PPM1F: variants seen among roughly 807,000 people sequenced by gnomAD.
PPM1F encodes the protein protein phosphatase 1F.
A neutral mutation model predicts 35.5 loss-of-function variants in PPM1F; 17 were observed. The observed-to-expected ratio is 0.48, with a 90% CI of 0.33 to 0.72. PPM1F has a LOEUF of 0.72. PPM1F is among the 30% of genes least tolerant of loss of function. The probability of loss-of-function intolerance (pLI) is 0.02; values close to 1 mark genes in which losing one functional copy is unlikely to be tolerated. For missense variants in PPM1F, 521 were observed against 613.0 expected (o/e 0.85, Z 1.59); for synonymous variants, 241 against 255.5 (o/e 0.94, Z 0.54).
In PPM1F at chr22:21,920,577, GCT is replaced by G. The variant is rs1339999871; in HGVS notation, c.*2513_*2514del. On this transcript the variant is annotated 3_prime_UTR_variant, in exon 8 of 8. Transcript: ENST00000263212. ...TCGGCCCCAAGGCAAGGGCGGAGCA[GCT>G]CCCAGTGCTGGCACCAGACCTCTGC... 2 of 152,436 alleles carry G rather than the reference GCT, an allele frequency of 1.3e-5. No individual in the cohort carries two copies. The highest frequency in any genetic ancestry group is 1.5e-5 in the Non-Finnish European group (1 of 68,196). The allele number at this position is 152,436 out of a possible 1,614,324, so 9.4% of individuals were successfully genotyped here. A position where few individuals can be genotyped will look rare whatever the true frequency, so the allele number is the denominator to read the frequency against.
chr22:21,920,171 A>C lies in PPM1F; in HGVS notation c.*2921T>G, dbSNP rs989085731. The C allele has an allele frequency of 1.3e-5, 2 of 152,294 alleles. No homozygotes were observed. Among genetic ancestry groups the C allele is most frequent in the Non-Finnish European group, 2.9e-5 (2 of 68,126 alleles). The allele number at this position is 152,294 out of a possible 1,614,324, so 9.4% of individuals were successfully genotyped here. A position where few individuals can be genotyped will look rare whatever the true frequency, so the allele number is the denominator to read the frequency against. On this transcript the variant is annotated 3_prime_UTR_variant, in exon 8 of 8. Transcript: ENST00000263212. Reference sequence around the variant, plus strand: ...GACACTAATAAGACTTAACCACCCCAACCTGCTGGCAGCAGGAGGGCCCCT... The same window carrying C: ...GACACTAATAAGACTTAACCACCCCCACCTGCTGGCAGCAGGAGGGCCCCT...
rs141625687 is a variant in PPM1F at position 21,925,591 on chromosome 22, G to A, written c.963C>T (p.Thr321=). ...CACCGATGGCTCTGGAGACGGCCAG[G>A]GTCCCGTTGACTCTCCAGCAGTCCA... ...SHMDCWRVNG[T]LAVSRAIGDV... is the part of the protein sequence containing the mutation. Residue 321 remains threonine, a synonymous_variant, in exon 7 of 8, where the codon ACC becomes ACT. Coordinates refer to ENST00000263212, the MANE Select transcript of PPM1F (RefSeq NM_014634.4). 1 of 1,613,716 alleles carries A rather than the reference G, an allele frequency of 6.2e-7. No homozygotes were observed. The highest frequency in any genetic ancestry group is 1.1e-5 in the South Asian group (1 of 91,052).
intron 2 of PPM1F, among the ~76,000 whole-genome samples, chr22:21,940,898 TTTTA>T (rs1023856826): frequency 6.6e-5 from 10 of 152,094 alleles, no homozygotes; most frequent in African/African-American, 1.9e-4. Context: ...TTGGTCTGTG[TTTTA>T]TTTATTTATT....
intron 6 of PPM1F, among the ~76,000 whole-genome samples, chr22:21,929,109 G>C (rs2070556979): frequency 6.6e-6 from 1 of 152,206 alleles, no homozygotes; most frequent in South Asian, 2.1e-4. Flanking sequence ...TCGCCAAGTT[G>C]AGGCCAGTTT....
chr22:21,933,389 A>G lies in PPM1F; in HGVS notation c.747+2T>C. On this transcript the variant is annotated splice_donor_variant, in intron 5 of 7. Transcript: ENST00000263212. LOFTEE classifies it high-confidence loss of function. ...ACCTGAGGCCCAGCGGCCAGTCCTC[A>G]CCTCTCGCTTGGCTTTCCTGAGAAA... The G allele has an allele frequency of 6.2e-7, 1 of 1,604,048 alleles. No homozygotes were observed. Among genetic ancestry groups the G allele is most frequent in the Non-Finnish European group, 8.5e-7 (1 of 1,175,552 alleles).
intron 2 of PPM1F, 115 bp downstream of exon 2, chr22:21,945,728 G>C (rs919695220): frequency 2.8e-6 from 3 of 1,090,096 alleles, no homozygotes; most frequent in Admixed American, 4.7e-5. Context: ...ATAGGGATCC[G>C]GGGCTGCAGA....
At chr22:21,923,847 GT>G (rs56102816) in intron 7 of PPM1F, among the ~76,000 whole-genome samples, 15,050 of 136,256 alleles carry the variant, frequency 0.11, 776 homozygotes, top group Middle Eastern at 0.13. Flanking sequence ...CCAGCTAATT[GT>G]TTTTTTTTTT....
intron 6 of PPM1F, 37 bp from the exon 7 acceptor site, chr22:21,925,699 G>A: frequency 6.6e-7 from 1 of 1,521,764 alleles, no homozygotes; most frequent in Non-Finnish European, 8.9e-7. Flanking sequence ...GCAGGGCCGG[G>A]GGGATGGGGC....
rs1167338911 is a variant in PPM1F at position 21,922,128 on chromosome 22, T to C, written c.*964A>G. ...CTATCCGAGCCCACTGCAGTCCTAG[T>C]TTCTTCAAAGCTGTGTAAGGCACTT... On this transcript the variant is annotated 3_prime_UTR_variant, in exon 8 of 8. Coordinates refer to ENST00000263212, the MANE Select transcript of PPM1F (RefSeq NM_014634.4). The C allele has an allele frequency of 6.6e-6, 1 of 152,654 alleles. No homozygotes were observed. The highest frequency in any genetic ancestry group is 1.5e-5 in the Non-Finnish European group (1 of 68,044). The allele number at this position is 152,654 out of a possible 1,614,324, so 9.5% of individuals were successfully genotyped here. A position where few individuals can be genotyped will look rare whatever the true frequency, so the allele number is the denominator to read the frequency against.
At chr22:21,952,745 TC>T in intron 1 of PPM1F, 46 bp downstream of exon 1, 1 of 152,350 alleles carries the variant, frequency 6.6e-6, no homozygotes, top group Non-Finnish European at 1.5e-5. Flanking sequence ...CTGACCCTCG[TC>T]CCAGCCCCGT....
intron 6 of PPM1F, among the ~76,000 whole-genome samples, chr22:21,927,942 GTTTTTTTTTTTTTT>G (rs60216371): frequency 1.3e-4 from 10 of 75,146 alleles, no homozygotes; most frequent in South Asian, 1.3e-3. Context: ...TTTTTGTTTT[GTTTTTTTTTTTTTT>G]TTTTTTTTTT....
In PPM1F at chr22:21,922,330, G is replaced by A. The variant is rs2070456302; in HGVS notation, c.*762C>T. 6.6e-6 allele frequency: 1 copy of A among 152,564 alleles called. No individual in the cohort carries two copies. 9.5% of individuals were successfully genotyped at this position (152,564 alleles called of 1,614,324 possible). Reference sequence around the variant, plus strand: ...CTGCTTAAATTATATGACACAACAGGTCATCTTGGCACTGATAAAACAAAG... The same window carrying A: ...CTGCTTAAATTATATGACACAACAGATCATCTTGGCACTGATAAAACAAAG... On this transcript the variant is annotated 3_prime_UTR_variant, in exon 8 of 8. Transcript: ENST00000263212.
At chr22:21,927,107 G>A (rs942305771) in intron 6 of PPM1F, among the ~76,000 whole-genome samples, 7 of 152,202 alleles carry the variant, frequency 4.6e-5, no homozygotes, top group Admixed American at 3.9e-4. Flanking sequence ...CATGAAGGGG[G>A]CAGGAACAGG....
intron 5 of PPM1F, chr22:21,932,591 G>A (rs1381327413): frequency 6.6e-6 from 1 of 152,134 alleles, no homozygotes; most frequent in African/African-American, 2.4e-5. Context: ...CACCTCACAG[G>A]GCTACAAGGA....
chr22:21,923,685 TTTC>T (rs1569125096), intron 7 of PPM1F, among the ~76,000 whole-genome samples: 2 of 151,970 alleles, frequency 1.3e-5, no homozygotes, highest in Non-Finnish European at 1.5e-5. Flanking sequence ...TCCCCCTTTT[TTTC>T]TTTTTTCTTT....
intron 1 of PPM1F, chr22:21,950,479 G>GT (rs1229274573): frequency 2.0e-5 from 3 of 151,696 alleles, no homozygotes; most frequent in Non-Finnish European, 2.9e-5. Context: ...AACAACTGCA[G>GT]TTTTTTAGGG....
intron 5 of PPM1F, among the ~76,000 whole-genome samples, chr22:21,932,318 A>G (rs2070601812): frequency 6.6e-6 from 1 of 152,210 alleles, no homozygotes; most frequent in South Asian, 2.1e-4. Context: ...TTGAGCTCAG[A>G]GGCCTTTGTC....
chr22:21,940,513 A>T (rs561239106), intron 2 of PPM1F: 1 of 48,324 alleles, frequency 2.1e-5, no homozygotes, highest in Admixed American at 1.8e-4. Context: ...TTGGACACAG[A>T]CACACACACA....
rs2070454888 is a variant in PPM1F at position 21,922,172 on chromosome 22, A to G, written c.*920T>C. The G allele has an allele frequency of 6.6e-6, 1 of 152,670 alleles. No individual in the cohort carries two copies. The highest frequency in any genetic ancestry group is 1.5e-5 in the Non-Finnish European group (1 of 68,050). The allele number at this position is 152,670 out of a possible 1,614,324, so 9.5% of individuals were successfully genotyped here. On this transcript the variant is annotated 3_prime_UTR_variant, in exon 8 of 8. Transcript: ENST00000263212. Reference sequence around the variant, plus strand: ...GGCACTTGAATGGCTTATTAACACCACCTGGAAAAGTTCCTGTTTCAATCC... The same window carrying G: ...GGCACTTGAATGGCTTATTAACACCGCCTGGAAAAGTTCCTGTTTCAATCC...
Sources: gnomAD v4.1 joint callset for allele counts (sites outside exome capture counted in the v4.1 genomes callset) on GRCh38, gnomAD v4.1.1 for gene constraint, MANE v1.5 for transcripts, NCBI Gene and HGNC (gene_info 2026-07-23, HGNC 2026-07-21) for gene names.